GPC5: variants seen among roughly 807,000 people sequenced by gnomAD.
GPC5 encodes glypican 5.
A neutral mutation model predicts 53.9 loss-of-function variants in GPC5; 47 were observed. The ratio of observed to expected loss-of-function variants is 0.87; its 90% CI spans 0.69 to 1.11. The LOEUF (loss-of-function observed/expected upper bound fraction) is 1.11, where lower values mean the gene tolerates loss of function less well. GPC5 is among the 50% of genes most tolerant of loss of function. GPC5 has a pLI of 0.00. For missense variants in GPC5, 748 were observed against 713.1 expected (o/e 1.05, Z -0.56); for synonymous variants, 286 against 263.3 (o/e 1.09, Z -0.84).
At chr13:92,224,244 G>A (rs183482326) in intron 7 of GPC5, among the ~76,000 whole-genome samples, 30 of 152,182 alleles carry the variant, frequency 2.0e-4, no homozygotes, top group African/African-American at 7.0e-4. Context: ...TGTTATTGTT[G>A]AACCAACCTC....
intron 7 of GPC5, among the ~76,000 whole-genome samples, chr13:92,206,818 T>G (rs2042341182): frequency 6.6e-6 from 1 of 152,170 alleles, no homozygotes; most frequent in African/African-American, 2.4e-5. Context: ...ATTAGTTCAA[T>G]CCATCATCAC....
rs1254828682 is a variant in GPC5 at position 92,739,710 on chromosome 13, AAAAAAAAAG to A, written c.1562-126563_1562-126555del. ...ATTGCTGTTATTACTCCCATCTTAA[AAAAAAAAAG>A]AAAAAAAAAGAGAGAGAGAGAGAGA... On this transcript the variant is annotated intron_variant, in intron 7 of 7. Transcript: ENST00000377067. Among the ~76,000 whole-genome samples the A allele has an allele frequency of 6.4e-5, 9 of 141,348 alleles. No individual in the cohort carries two copies. In the East Asian group the frequency reaches 1.5e-3, roughly 24 times the overall value. The allele number at this position is 141,348 out of a possible 152,430, so 92.7% of individuals were successfully genotyped here.
chr13:91,570,445 G>A (rs1271745557), intron 2 of GPC5, among the ~76,000 whole-genome samples: 1 of 152,120 alleles, frequency 6.6e-6, no homozygotes, highest in Non-Finnish European at 1.5e-5. Flanking sequence ...AATTCCCAAA[G>A]CACTTGTGTT....
intron 7 of GPC5, among the ~76,000 whole-genome samples, chr13:92,865,149 A>G (rs994549849): frequency 3.9e-5 from 6 of 152,236 alleles, no homozygotes; most frequent in South Asian, 2.1e-4. Flanking sequence ...AATTAAGGGG[A>G]TAGTTTTTTC....
chr13:91,417,054 G>C (rs1321227144), intron 1 of GPC5, among the ~76,000 whole-genome samples: 1 of 152,160 alleles, frequency 6.6e-6, no homozygotes, highest in Non-Finnish European at 1.5e-5. Flanking sequence ...GGAACAGAGT[G>C]GGGTGGATGG....
At chr13:92,475,963 C>A (rs1274610967) in intron 7 of GPC5, among the ~76,000 whole-genome samples, 1 of 152,036 alleles carries the variant, frequency 6.6e-6, no homozygotes, top group African/African-American at 2.4e-5. Context: ...TAGGCATTAC[C>A]ATTCAGGACA....
chr13:92,441,989 A>G (rs1371246058), intron 7 of GPC5, among the ~76,000 whole-genome samples: 2 of 152,218 alleles, frequency 1.3e-5, no homozygotes, highest in African/African-American at 4.8e-5. Context: ...AAGTACTTGA[A>G]TTTAATATGC....
intron 7 of GPC5, among the ~76,000 whole-genome samples, chr13:92,372,394 A>G (rs945163458): frequency 6.6e-6 from 1 of 152,204 alleles, no homozygotes; most frequent in Admixed American, 6.5e-5. Context: ...AGGATATTAC[A>G]AATATCTGTA....
chr13:92,381,680 T>G (rs1052648275), intron 7 of GPC5, among the ~76,000 whole-genome samples: 2 of 151,390 alleles, frequency 1.3e-5, no homozygotes, highest in Non-Finnish European at 2.9e-5. Flanking sequence ...AAGACATGAT[T>G]CGAAAACGAC....
At chr13:91,609,975 G>A (rs369580273) in intron 2 of GPC5, among the ~76,000 whole-genome samples, 4 of 152,102 alleles carry the variant, frequency 2.6e-5, no homozygotes, top group Non-Finnish European at 5.9e-5. Flanking sequence ...GTGTACATTC[G>A]TTATATGGAA....
rs531249835 is a variant in GPC5 at position 92,741,551 on chromosome 13, A to G, written c.1562-124731A>G. On this transcript the variant is annotated intron_variant, in intron 7 of 7. Transcript: ENST00000377067. ...GTTGAAACAGTGCATTAATAATGGA[A>G]GGCAACTTTAGGAGTAAACATACCA... Among the ~76,000 whole-genome samples the G allele has an allele frequency of 2.0e-5, 3 of 152,182 alleles. No homozygotes were observed. The East Asian group carries it at 5.8e-4, about 30-fold the overall frequency.
At chr13:92,118,295 G>A (rs2041616934) in intron 6 of GPC5, among the ~76,000 whole-genome samples, 1 of 152,122 alleles carries the variant, frequency 6.6e-6, no homozygotes, top group Non-Finnish European at 1.5e-5. Flanking sequence ...TGCATTCGTG[G>A]TATAAATCAC....
At chr13:91,732,000 G>A (rs1403661222) in intron 4 of GPC5, among the ~76,000 whole-genome samples, 1 of 152,148 alleles carries the variant, frequency 6.6e-6, no homozygotes, top group Non-Finnish European at 1.5e-5. Flanking sequence ...ACATACATGT[G>A]CATGTGTCTT....
intron 7 of GPC5, among the ~76,000 whole-genome samples, chr13:92,545,069 C>G (rs945784416): frequency 6.6e-6 from 1 of 151,976 alleles, no homozygotes; most frequent in Non-Finnish European, 1.5e-5. Context: ...TACCTCCCCC[C>G]TCACCCCACC....
Position 91,399,035 on chromosome 13 carries a change from A to G in GPC5, c.-12A>G, listed in dbSNP as rs1876694466. Reference sequence around the variant, plus strand: ...GGTCCACTGGCGGGTAAAGGGGACCAGGACGGCGAGGATGGACGCACAGAC... The same window carrying G: ...GGTCCACTGGCGGGTAAAGGGGACCGGGACGGCGAGGATGGACGCACAGAC... On this transcript the variant is annotated 5_prime_UTR_variant, in exon 1 of 8. Transcript: ENST00000377067. 2 of 1,541,788 alleles carry G rather than the reference A, an allele frequency of 1.3e-6. No homozygotes were observed. Among genetic ancestry groups the G allele is most frequent in the African/African-American group, 1.4e-5 (1 of 72,938 alleles).
intron 7 of GPC5, among the ~76,000 whole-genome samples, chr13:92,247,086 C>T (rs1594034238): frequency 6.6e-6 from 1 of 152,098 alleles, no homozygotes; most frequent in Non-Finnish European, 1.5e-5. Context: ...TTGTGTAAAA[C>T]TAAACAATTA....
At chr13:92,363,812 T>G (rs1046198327) in intron 7 of GPC5, among the ~76,000 whole-genome samples, 1 of 151,736 alleles carries the variant, frequency 6.6e-6, no homozygotes, top group Non-Finnish European at 1.5e-5. Context: ...AGCATACAAT[T>G]ATAAATACAG....
At chr13:92,615,450 G>A (rs1458149661) in intron 7 of GPC5, among the ~76,000 whole-genome samples, 1 of 152,108 alleles carries the variant, frequency 6.6e-6, no homozygotes, top group Non-Finnish European at 1.5e-5. Flanking sequence ...ATTACTGGGA[G>A]GGAACATACA....
chr13:92,277,782 A>G (rs1594060267), intron 7 of GPC5, among the ~76,000 whole-genome samples: 1 of 151,976 alleles, frequency 6.6e-6, no homozygotes, highest in Admixed American at 6.6e-5. Flanking sequence ...CAAGTTCTAC[A>G]TTAATATGTG....
Sources: allele counts gnomAD v4.1 joint callset (sites outside exome capture counted in the v4.1 genomes callset), GRCh38; gene constraint gnomAD v4.1.1; transcripts MANE v1.5; gene names NCBI Gene and HGNC (gene_info 2026-07-23, HGNC 2026-07-21).